Variants in MTA3 observed in about 807,000 individuals in gnomAD.
MTA3 encodes metastasis associated 1 family member 3.
Under a neutral mutation model 83.5 loss-of-function variants are expected in MTA3, and 34 were observed. That is an observed-to-expected ratio of 0.41 (90% CI 0.31 to 0.54). MTA3 has a LOEUF of 0.54. Among genes scored for constraint, MTA3 ranks in the 20% least tolerant of loss-of-function variants. MTA3 has a pLI of 0.33. For missense variants in MTA3, 761 were observed against 726.4 expected (o/e 1.05, Z -0.55); for synonymous variants, 303 against 252.7 (o/e 1.20, Z -1.89).
chr2:42,494,252 G>C (rs1674026505), upstream of MTA3, among the ~76,000 whole-genome samples: 1 of 152,074 alleles, frequency 6.6e-6, no homozygotes, highest in East Asian at 1.9e-4. Context: ...GGGCGGGGGA[G>C]CGGGGAGCCC....
Position 42,738,132 on chromosome 2 carries a change from T to A in MTA3, c.1759+15097T>A, listed in dbSNP as rs571781422. On this transcript the variant is annotated intron_variant, in intron 16 of 16. Coordinates refer to ENST00000405094, the MANE Select transcript of MTA3 (RefSeq NM_001330442.2). Reference sequence around the variant, plus strand: ...CAAAAATTAGCTGATCATGGTGGCATGTGCCTGTAGTCCCAGCTACTCGGG... The same window carrying A: ...CAAAAATTAGCTGATCATGGTGGCAAGTGCCTGTAGTCCCAGCTACTCGGG... 2.0e-3 allele frequency among the ~76,000 whole-genome samples: 297 copies of A among 152,166 alleles called. 1 individual carries two copies. The highest frequency in any genetic ancestry group is 6.8e-3 in the African/African-American group (281 of 41,540).
At chr2:42,682,291 ATAAG>A (rs1257056443) in intron 8 of MTA3, 106 bp from the exon 9 acceptor site, 4 of 732,362 alleles carry the variant, frequency 5.5e-6, no homozygotes, top group South Asian at 6.8e-5. Context: ...TAAAAAATAA[ATAAG>A]TATATTGTTA....
intron 6 of MTA3, among the ~76,000 whole-genome samples, chr2:42,655,870 C>A (rs1230308596): frequency 6.6e-6 from 1 of 152,114 alleles, no homozygotes; most frequent in South Asian, 2.1e-4. Flanking sequence ...CCCAAAGTGC[C>A]GAGATTACAG....
intron 4 of MTA3, among the ~76,000 whole-genome samples, chr2:42,620,893 A>C (rs982274356): frequency 6.6e-6 from 1 of 152,196 alleles, no homozygotes; most frequent in Non-Finnish European, 1.5e-5. Context: ...ACTGAAAGCT[A>C]AACTATGTTT....
In MTA3 at chr2:42,640,655, T is replaced by C. The variant is rs116496951; in HGVS notation, c.381+419T>C. 7.6e-3 allele frequency among the ~76,000 whole-genome samples: 1,160 copies of C among 152,346 alleles called. 12 individuals are homozygous for C. The highest frequency in any genetic ancestry group is 0.026 in the African/African-American group (1,089 of 41,586). On this transcript the variant is annotated intron_variant, in intron 5 of 16. Coordinates refer to ENST00000405094, the MANE Select transcript of MTA3 (RefSeq NM_001330442.2). ...GGTGGTCTGCTTTCTGGAATCCTAA[T>C]AAATTTTGTCAGTTAAAAATATTTT...
chr2:42,732,735 C>G (rs1558628959), intron 16 of MTA3, among the ~76,000 whole-genome samples: 1 of 152,138 alleles, frequency 6.6e-6, no homozygotes, highest in African/African-American at 2.4e-5. Flanking sequence ...AATGCAGTAC[C>G]CAAGTGACCT....
chr2:42,515,889 G>A (rs1675124575), intron 2 of MTA3, among the ~76,000 whole-genome samples: 1 of 147,522 alleles, frequency 6.8e-6, no homozygotes, highest in Non-Finnish European at 1.5e-5. Flanking sequence ...TTCCCAGGCT[G>A]GAGTGCAGTG....
chr2:42,743,534 C>G (rs966333978), intron 16 of MTA3, among the ~76,000 whole-genome samples: 1 of 152,178 alleles, frequency 6.6e-6, no homozygotes, highest in African/African-American at 2.4e-5. Flanking sequence ...TGAATCTGCT[C>G]TCCTCTGGCT....
chr2:42,694,171 T>G (rs1396999977), intron 9 of MTA3, among the ~76,000 whole-genome samples: 2 of 152,158 alleles, frequency 1.3e-5, no homozygotes, highest in Non-Finnish European at 2.9e-5. Context: ...TTCCATCCCT[T>G]AAGCAGAAGG....
chr2:42,750,129 T>TA (rs1000939190), intron 16 of MTA3, among the ~76,000 whole-genome samples: 2 of 151,648 alleles, frequency 1.3e-5, no homozygotes, highest in Non-Finnish European at 2.9e-5. Flanking sequence ...GTAGCTGGGA[T>TA]ACAGGTGCGC....
At chr2:42,514,795 C>T (rs933577710) in intron 2 of MTA3, among the ~76,000 whole-genome samples, 1 of 138,722 alleles carries the variant, frequency 7.2e-6, no homozygotes, top group Non-Finnish European at 1.5e-5. Context: ...TCAAATGATC[C>T]TCCCGCCTCA....
intron 2 of MTA3, among the ~76,000 whole-genome samples, chr2:42,576,424 A>G (rs551217354): frequency 6.6e-6 from 1 of 152,330 alleles, no homozygotes; most frequent in African/African-American, 2.4e-5. Context: ...GAAATTGGCT[A>G]GGTAGGGAAA....
At chr2:42,593,240 C>A (rs893580605) in intron 3 of MTA3, among the ~76,000 whole-genome samples, 3 of 151,376 alleles carry the variant, frequency 2.0e-5, no homozygotes, top group African/African-American at 7.3e-5. Flanking sequence ...TAATCTCAGC[C>A]CTTTGGGAGG....
At chr2:42,726,868 A>G (rs922691488) in intron 16 of MTA3, among the ~76,000 whole-genome samples, 7 of 152,132 alleles carry the variant, frequency 4.6e-5, no homozygotes, top group Admixed American at 2.6e-4. Context: ...TGACCAATCT[A>G]ATAGAATCTA....
At chr2:42,536,991 T>G (rs1676275840) in intron 2 of MTA3, among the ~76,000 whole-genome samples, 1 of 151,646 alleles carries the variant, frequency 6.6e-6, no homozygotes, top group Admixed American at 6.6e-5. Flanking sequence ...GATCCCAAAA[T>G]CTCTGTAGAA....
At chr2:42,709,923 T>G (rs1337280759) in intron 14 of MTA3, among the ~76,000 whole-genome samples, 1 of 152,204 alleles carries the variant, frequency 6.6e-6, no homozygotes, top group African/African-American at 2.4e-5. Flanking sequence ...GTCCATGAAT[T>G]GTGGATCGTT....
chr2:42,675,534 A>G (rs1294861313), intron 8 of MTA3, among the ~76,000 whole-genome samples: 1 of 152,186 alleles, frequency 6.6e-6, no homozygotes, highest in Non-Finnish European at 1.5e-5. Context: ...TTACCTGTGT[A>G]TATATTCGTG....
chr2:42,730,468 A>G (rs1225382626), intron 16 of MTA3, among the ~76,000 whole-genome samples: 1 of 152,258 alleles, frequency 6.6e-6, no homozygotes, highest in African/African-American at 2.4e-5. Context: ...CTCAATTAAA[A>G]TAATCAGATG....
At chr2:42,679,294 C>A (rs1437266302) in intron 8 of MTA3, among the ~76,000 whole-genome samples, 1 of 152,128 alleles carries the variant, frequency 6.6e-6, no homozygotes, top group Non-Finnish European at 1.5e-5. Flanking sequence ...TGTGCGTGAA[C>A]CCCAGATTTT....
Sources: allele counts gnomAD v4.1 joint callset (sites outside exome capture counted in the v4.1 genomes callset), GRCh38; gene constraint gnomAD v4.1.1; transcripts MANE v1.5; gene names NCBI Gene and HGNC (gene_info 2026-07-23, HGNC 2026-07-21).